ERBB4: variants seen among roughly 807,000 people sequenced by gnomAD.
The protein encoded by ERBB4 is receptor tyrosine-protein kinase erbB-4.
A neutral mutation model predicts 158.0 loss-of-function variants in ERBB4; 42 were observed. The ratio of observed to expected loss-of-function variants is 0.27; its 90% confidence interval spans 0.21 to 0.34. The LOEUF (loss-of-function observed/expected upper bound fraction) is 0.34, where lower values mean the gene tolerates loss of function less well. Ranked by LOEUF, ERBB4 falls within the 10% of genes least tolerant of loss-of-function variation. The probability of loss-of-function intolerance (pLI) is 1.00; values close to 1 mark genes in which losing one functional copy is unlikely to be tolerated. For missense variants in ERBB4, 1,333 were observed against 1,624.1 expected, an observed-to-expected ratio of 0.82 and a Z score of 3.08; for synonymous variants, 583 against 558.7, an observed-to-expected ratio of 1.04 and a Z score of -0.61.
intron 20 of ERBB4, among the ~76,000 whole-genome samples, chr2:211,452,733 C>A (rs1027131366): frequency 2.0e-5 from 3 of 152,098 alleles, no homozygotes; most frequent in African/African-American, 7.2e-5. Flanking sequence ...CTATACATTT[C>A]ATAGTATAGA....
intron 1 of ERBB4, among the ~76,000 whole-genome samples, chr2:212,201,318 A>G (rs773223382): frequency 1.3e-5 from 2 of 151,992 alleles, no homozygotes; most frequent in Non-Finnish European, 1.5e-5. Flanking sequence ...CATGAAATCC[A>G]CTCTAAATAA....
intron 20 of ERBB4, among the ~76,000 whole-genome samples, chr2:211,533,157 T>C (rs961145770): frequency 6.6e-6 from 1 of 151,944 alleles, no homozygotes; most frequent in Non-Finnish European, 1.5e-5. Context: ...TTCCATTCAG[T>C]AATATGTAGG....
intron 19 of ERBB4, among the ~76,000 whole-genome samples, chr2:211,608,581 A>T (rs2069074764): frequency 6.6e-6 from 1 of 152,166 alleles, no homozygotes; most frequent in Non-Finnish European, 1.5e-5. Context: ...ATTCTTTATA[A>T]TTTACAATTT....
intron 25 of ERBB4, among the ~76,000 whole-genome samples, chr2:211,402,708 C>T (rs1413857495): frequency 2.6e-5 from 4 of 151,884 alleles, no homozygotes; most frequent in East Asian, 1.9e-4. Flanking sequence ...TTCAATAAAA[C>T]GTTTATCAGC....
intron 1 of ERBB4, among the ~76,000 whole-genome samples, chr2:212,498,165 T>C (rs1047647858): frequency 1.3e-5 from 2 of 151,956 alleles, no homozygotes; most frequent in African/African-American, 4.8e-5. Context: ...CACAATGGGA[T>C]TTTTGATGAG....
chr2:211,460,555 A>G (rs1018913560), intron 20 of ERBB4, among the ~76,000 whole-genome samples: 3 of 152,198 alleles, frequency 2.0e-5, no homozygotes, highest in African/African-American at 4.8e-5. Context: ...GCAGTTTCCA[A>G]ATCAACATAA....
At chr2:211,508,441 A>G (rs2065803942) in intron 20 of ERBB4, among the ~76,000 whole-genome samples, 1 of 152,208 alleles carries the variant, frequency 6.6e-6, no homozygotes, top group Non-Finnish European at 1.5e-5. Context: ...ATCTCACACC[A>G]GTTAGAATGG....
chr2:212,305,764 TACA>T lies in ERBB4; in HGVS notation c.83-180864_83-180862del, dbSNP rs557046678. On this transcript the variant is annotated intron_variant, in intron 1 of 27. Coordinates refer to ENST00000342788, the MANE Select transcript of ERBB4 (RefSeq NM_005235.3). ...TAAATACAAATAAAACAGAAACAAT[TACA>T]ACATTTACATAATTATAGATCATGT... Among the ~76,000 whole-genome samples the T allele has an allele frequency of 4.3e-3, 644 of 151,460 alleles. 6 individuals carry two copies. Among genetic ancestry groups the T allele is most frequent in the Non-Finnish European group, 5.3e-3 (356 of 67,560 alleles).
chr2:212,372,209 C>T (rs116716049), intron 1 of ERBB4, among the ~76,000 whole-genome samples: 2,394 of 152,126 alleles, frequency 0.016, 29 homozygotes, highest in South Asian at 0.065. Context: ...CAAAGTATAG[C>T]TATGTTCTCT....
At chr2:212,266,930 A>T (rs1254600423) in intron 1 of ERBB4, among the ~76,000 whole-genome samples, 1 of 152,042 alleles carries the variant, frequency 6.6e-6, no homozygotes, top group Non-Finnish European at 1.5e-5. Context: ...ATTTATTTGC[A>T]TCGGACTTAA....
chr2:211,515,914 T>TATATATATATA (rs1559248895), intron 20 of ERBB4, among the ~76,000 whole-genome samples: 1 of 50,718 alleles, frequency 2.0e-5, no homozygotes, highest in African/African-American at 1.2e-4. Context: ...ATATATATAT[T>TATATATATATA]TTTTTTTTTT....
At chr2:211,464,732 G>T (rs2371274) in intron 20 of ERBB4, among the ~76,000 whole-genome samples, 84,328 of 151,702 alleles carry the variant, frequency 0.56, 25,197 homozygotes, top group Middle Eastern at 0.66. Flanking sequence ...AAATAAATAT[G>T]AGCAAGTTTA....
intron 3 of ERBB4, among the ~76,000 whole-genome samples, chr2:211,895,770 G>T (rs1378702041): frequency 2.6e-5 from 4 of 151,984 alleles, no homozygotes; most frequent in Non-Finnish European, 5.9e-5. Context: ...TCCTTCAATT[G>T]TCCCTGAAAT....
chr2:211,583,409 C>G (rs1262904305), intron 19 of ERBB4, among the ~76,000 whole-genome samples: 8 of 151,746 alleles, frequency 5.3e-5, no homozygotes, highest in Non-Finnish European at 1.2e-4. Context: ...GTTCAAAATA[C>G]TAGAGCCAAA....
intron 14 of ERBB4, among the ~76,000 whole-genome samples, chr2:211,670,965 GGT>G (rs1491548698): frequency 6.6e-6 from 1 of 152,010 alleles, no homozygotes; most frequent in Non-Finnish European, 1.5e-5. Flanking sequence ...TGCTACAGAT[GGT>G]AAGCGAACAT....
Position 211,503,332 on chromosome 2 carries a change from G to A in ERBB4, c.2487+58571C>T, listed in dbSNP as rs141085272. 4.0e-3 allele frequency among the ~76,000 whole-genome samples: 603 copies of A among 152,212 alleles called. 3 individuals are homozygous for A. Among genetic ancestry groups the A allele is most frequent in the African/African-American group, 0.014 (562 of 41,556 alleles). On this transcript the variant is annotated intron_variant, in intron 20 of 27. Transcript: ENST00000342788. ...GTCTGCCGAGCCAGGATAGAACTGA[G>A]CTGGCCACATTCACATGCCCAAGAT...
intron 3 of ERBB4, among the ~76,000 whole-genome samples, chr2:211,831,871 C>CTGTCT (rs2077228198): frequency 2.0e-5 from 3 of 151,906 alleles, no homozygotes; most frequent in Non-Finnish European, 4.4e-5. Flanking sequence ...CCATTGCACT[C>CTGTCT]CAACCTGGGC....
intron 1 of ERBB4, among the ~76,000 whole-genome samples, chr2:212,344,234 T>C (rs1243524804): frequency 6.6e-6 from 1 of 152,140 alleles, no homozygotes; most frequent in East Asian, 1.9e-4. Context: ...AATGACATCA[T>C]GGGGCTGGAT....
chr2:212,334,449 G>A (rs543774737), intron 1 of ERBB4, among the ~76,000 whole-genome samples: 2 of 152,160 alleles, frequency 1.3e-5, no homozygotes, highest in East Asian at 3.9e-4. Flanking sequence ...ATGAGTGAAT[G>A]CATGTATATA....
Sources: allele counts gnomAD v4.1 joint callset (sites outside exome capture counted in the v4.1 genomes callset), GRCh38; gene constraint gnomAD v4.1.1; transcripts MANE v1.5; gene names NCBI Gene and HGNC (gene_info 2026-07-23, HGNC 2026-07-21).